LRTM1: variants seen among roughly 807,000 people sequenced by gnomAD.
The protein encoded by LRTM1 is leucine-rich repeat and transmembrane domain-containing protein 1.
A neutral mutation model predicts 32.4 loss-of-function variants in LRTM1; 38 were observed. The ratio of observed to expected loss-of-function variants is 1.17; its 90% CI spans 0.91 to 1.54. The LOEUF is 1.54. Among genes scored for constraint, LRTM1 ranks in the 40% most tolerant of loss-of-function variants. The probability of loss-of-function intolerance (pLI) is 0.00; values close to 1 mark genes in which losing one functional copy is unlikely to be tolerated. For missense variants in LRTM1, 466 were observed against 415.4 expected (o/e 1.12, Z -1.06); for synonymous variants, 186 against 169.9 (o/e 1.09, Z -0.74).
chr3:54,923,601 CTG>C (rs1700916459), intron 2 of LRTM1, among the ~76,000 whole-genome samples: 2 of 152,234 alleles, frequency 1.3e-5, no homozygotes. Context: ...AATGGAATCT[CTG>C]TGATGGTTAG....
intron 1 of LRTM1, among the ~76,000 whole-genome samples, chr3:54,947,654 T>A (rs1482219225): frequency 6.6e-6 from 1 of 152,076 alleles, no homozygotes; most frequent in South Asian, 2.1e-4. Flanking sequence ...AAAGGAAATT[T>A]TTGCTCTGGC....
At chr3:54,930,345 C>G (rs1216911986), upstream of LRTM1, among the ~76,000 whole-genome samples, 1 of 152,158 alleles carries the variant, frequency 6.6e-6, no homozygotes, top group African/African-American at 2.4e-5. Context: ...CTTCTTATGT[C>G]CAGAACCTTG....
intron 1 of LRTM1, among the ~76,000 whole-genome samples, chr3:54,948,035 C>T (rs1365151874): frequency 6.6e-6 from 1 of 152,300 alleles, no homozygotes; most frequent in Middle Eastern, 3.4e-3. Context: ...TGGCCTTTCT[C>T]CTTCAATACA....
intron 1 of LRTM1, among the ~76,000 whole-genome samples, chr3:54,956,526 C>T (rs7627765): frequency 6.6e-6 from 1 of 152,174 alleles, no homozygotes; most frequent in Non-Finnish European, 1.5e-5. Flanking sequence ...AAACTCGTTA[C>T]CAACCTAGGA....
chr3:54,930,725 T>TA (rs1320604463), upstream of LRTM1, among the ~76,000 whole-genome samples: 1 of 152,210 alleles, frequency 6.6e-6, no homozygotes. Context: ...ATGTAGATAA[T>TA]ACCTACCTCG....
chr3:54,940,697 A>G (rs1701443361), intron 1 of LRTM1, among the ~76,000 whole-genome samples: 1 of 152,148 alleles, frequency 6.6e-6, no homozygotes, highest in South Asian at 2.1e-4. Flanking sequence ...AGGCTGTTGT[A>G]TGAAAAGTCT....
At chr3:54,951,636 G>A (rs1164054238) in intron 1 of LRTM1, among the ~76,000 whole-genome samples, 3 of 151,734 alleles carry the variant, frequency 2.0e-5, no homozygotes, top group African/African-American at 7.3e-5. Flanking sequence ...AGTCAGGCGT[G>A]CAGGGCTCCA....
chr3:54,924,501 A>G, intron 2 of LRTM1, 118 bp downstream of exon 2: 1 of 823,564 alleles, frequency 1.2e-6, no homozygotes, highest in Non-Finnish European at 1.9e-6. Flanking sequence ...ACCGATGTGT[A>G]AAAGCCCAAA....
chr3:54,929,339 C>T (rs1701122391), upstream of LRTM1, among the ~76,000 whole-genome samples: 1 of 152,144 alleles, frequency 6.6e-6, no homozygotes, highest in South Asian at 2.1e-4. Flanking sequence ...TTGTATGCTG[C>T]CAACTTCTGA....
At chr3:54,956,740 G>T (rs529859343) in intron 1 of LRTM1, among the ~76,000 whole-genome samples, 16 of 152,226 alleles carry the variant, frequency 1.1e-4, no homozygotes, top group African/African-American at 3.9e-4. Context: ...TTACCTAGGG[G>T]AAGACAGAAC....
intron 1 of LRTM1, among the ~76,000 whole-genome samples, chr3:54,948,984 G>A (rs986700534): frequency 1.3e-5 from 2 of 152,204 alleles, no homozygotes; most frequent in Non-Finnish European, 2.9e-5. Context: ...GGTACAGTTG[G>A]ATCTGGGGCT....
chr3:54,931,813 C>T (rs1195948333), upstream of LRTM1, among the ~76,000 whole-genome samples: 1 of 152,108 alleles, frequency 6.6e-6, no homozygotes, highest in Admixed American at 6.6e-5. Flanking sequence ...ATTATTAACC[C>T]TACAATAAAA....
At chr3:54,952,701 A>G (rs940538897) in intron 1 of LRTM1, among the ~76,000 whole-genome samples, 1 of 152,194 alleles carries the variant, frequency 6.6e-6, no homozygotes, top group Non-Finnish European at 1.5e-5. Flanking sequence ...TGGTGCCCGC[A>G]TAGTTCCCTC....
At chr3:54,945,282 C>T (rs893075135) in intron 1 of LRTM1, among the ~76,000 whole-genome samples, 1 of 152,156 alleles carries the variant, frequency 6.6e-6, no homozygotes, top group Non-Finnish European at 1.5e-5. Flanking sequence ...GTATTGTGCC[C>T]TCCAGTCTGT....
intron 1 of LRTM1, among the ~76,000 whole-genome samples, chr3:54,944,485 A>G (rs1445374399): frequency 1.3e-5 from 2 of 151,844 alleles, no homozygotes; most frequent in African/African-American, 4.8e-5. Context: ...CAGTGGCATG[A>G]TCTGGGCTCA....
At chr3:54,920,636 A>T (rs1334959085) in intron 2 of LRTM1, among the ~76,000 whole-genome samples, 4 of 152,156 alleles carry the variant, frequency 2.6e-5, no homozygotes, top group Admixed American at 6.5e-5. Context: ...TGACCATAGG[A>T]GCCTCTGCCA....
intron 2 of LRTM1, among the ~76,000 whole-genome samples, chr3:54,923,540 AAACATGTATCTTTATTTATCATCTTATTT>A (rs1700914519): frequency 1.3e-5 from 2 of 152,138 alleles, no homozygotes; most frequent in African/African-American, 4.8e-5. Flanking sequence ...CTGCTATTCT[AAACATGTATCTTTATTTATCATCTTATTT>A]AACATCTGTT....
chr3:54,931,151 T>G (rs1206029710), upstream of LRTM1, among the ~76,000 whole-genome samples: 1 of 152,162 alleles, frequency 6.6e-6, no homozygotes, highest in East Asian at 1.9e-4. Context: ...ATTTACAGAC[T>G]TCAAAGAGTC....
At chr3:54,928,436 C>T (rs1701091547), upstream of LRTM1, among the ~76,000 whole-genome samples, 1 of 152,196 alleles carries the variant, frequency 6.6e-6, no homozygotes, top group Admixed American at 6.5e-5. Flanking sequence ...ACGGGACCCT[C>T]ACCTGGGGGT....
Sources: gnomAD v4.1 joint callset for allele counts (sites outside exome capture counted in the v4.1 genomes callset) on GRCh38, gnomAD v4.1.1 for gene constraint, MANE v1.5 for transcripts, NCBI Gene and HGNC (gene_info 2026-07-23, HGNC 2026-07-21) for gene names.